SMYD3: variants seen among roughly 807,000 people sequenced by gnomAD.
SMYD3 encodes the protein SET and MYND domain containing 3.
In SMYD3, 36 loss-of-function variants were observed where a neutral mutation model predicts 57.7. That is an observed-to-expected ratio of 0.62 (90% confidence interval 0.48 to 0.82). The LOEUF is 0.82. Ranked by LOEUF, SMYD3 falls within the 40% of genes least tolerant of loss-of-function variation. The pLI, the probability that SMYD3 is intolerant of heterozygous loss-of-function variation, is 0.00. For missense variants in SMYD3, 515 were observed against 538.8 expected, an observed-to-expected ratio of 0.96 and a Z score of 0.44; for synonymous variants, 211 against 195.0, an observed-to-expected ratio of 1.08 and a Z score of -0.68.
At chr1:245,977,530 T>C (rs1417856766) in intron 5 of SMYD3, among the ~76,000 whole-genome samples, 1 of 152,002 alleles carries the variant, frequency 6.6e-6, no homozygotes, top group Admixed American at 6.6e-5. Flanking sequence ...AATACAAAAA[T>C]TAGCCAGGTG....
chr1:246,303,295 C>T (rs966906074), intron 5 of SMYD3, among the ~76,000 whole-genome samples: 2 of 152,094 alleles, frequency 1.3e-5, no homozygotes, highest in African/African-American at 4.8e-5. Context: ...ATTCCTGCAC[C>T]CCTGGAGTAC....
chr1:246,188,955 G>A (rs568830876), intron 5 of SMYD3: 3 of 142,118 alleles, frequency 2.1e-5, no homozygotes, highest in Admixed American at 7.1e-5. Context: ...GCAAGACCCT[G>A]TCTCAAAAAA....
chr1:246,091,682 T>C (rs899006619), intron 5 of SMYD3, among the ~76,000 whole-genome samples: 1 of 152,216 alleles, frequency 6.6e-6, no homozygotes, highest in Non-Finnish European at 1.5e-5. Flanking sequence ...TGTCTGTGTA[T>C]GACTGAAGCT....
chr1:246,140,634 T>C (rs762462904), intron 5 of SMYD3, among the ~76,000 whole-genome samples: 31 of 150,630 alleles, frequency 2.1e-4, no homozygotes, highest in Non-Finnish European at 4.1e-4. Flanking sequence ...TTTTTAGAGA[T>C]AGGGGTCTCA....
chr1:246,450,189 A>C (rs1451506495), intron 1 of SMYD3, among the ~76,000 whole-genome samples: 7 of 152,110 alleles, frequency 4.6e-5, no homozygotes. Flanking sequence ...CAGGAGGCTG[A>C]GGCAGGAGAA....
At chr1:246,252,715 C>T (rs1430150828) in intron 5 of SMYD3, among the ~76,000 whole-genome samples, 2 of 152,148 alleles carry the variant, frequency 1.3e-5, no homozygotes, top group Non-Finnish European at 2.9e-5. Flanking sequence ...GGCATCTTTT[C>T]ATTATTATTA....
intron 5 of SMYD3, among the ~76,000 whole-genome samples, chr1:246,011,607 T>C (rs530706192): frequency 2.3e-4 from 35 of 152,198 alleles, no homozygotes; most frequent in South Asian, 8.3e-4. Flanking sequence ...CCCTCTTAGT[T>C]AGCTGCCTTC....
chr1:246,122,851 G>A (rs1259328719), intron 5 of SMYD3, among the ~76,000 whole-genome samples: 3 of 152,150 alleles, frequency 2.0e-5, no homozygotes, highest in African/African-American at 7.2e-5. Context: ...AATGAAGGGC[G>A]TAGCCATGAT....
chr1:245,853,901 C>G lies in SMYD3; in HGVS notation c.1076+4595G>C, dbSNP rs75542614. Among the ~76,000 whole-genome samples, 537 of 152,266 alleles carry G rather than the reference C, an allele frequency of 3.5e-3. 1 individual carries two copies. The highest frequency in any genetic ancestry group is 0.013 in the African/African-American group (520 of 41,552). Reference sequence around the variant, plus strand: ...TTTTCTGACAACAAAGCACAGAAAACTATCTGAGCTGAAATCTCACTCTTA... The same window carrying G: ...TTTTCTGACAACAAAGCACAGAAAAGTATCTGAGCTGAAATCTCACTCTTA... On this transcript the variant is annotated intron_variant, in intron 10 of 11. Coordinates refer to ENST00000490107, the MANE Select transcript of SMYD3 (RefSeq NM_001167740.2).
intron 1 of SMYD3, among the ~76,000 whole-genome samples, chr1:246,490,373 G>A (rs1053908121): frequency 6.6e-6 from 1 of 152,132 alleles, no homozygotes; most frequent in African/African-American, 2.4e-5. Context: ...CAGACAGAGT[G>A]CTCTGATAAT....
At chr1:246,057,210 C>T (rs2060167001) in intron 5 of SMYD3, among the ~76,000 whole-genome samples, 1 of 152,092 alleles carries the variant, frequency 6.6e-6, no homozygotes, top group Non-Finnish European at 1.5e-5. Context: ...CTTAACATAG[C>T]GTTAGAGGCA....
chr1:246,427,072 C>T (rs1016800688), intron 1 of SMYD3, among the ~76,000 whole-genome samples: 10 of 151,974 alleles, frequency 6.6e-5, no homozygotes, highest in African/African-American at 1.2e-4. Flanking sequence ...AGAAGCAAGG[C>T]GACTAGATCA....
At chr1:246,234,227 T>C (rs200399518) in intron 5 of SMYD3, among the ~76,000 whole-genome samples, 48 of 130,178 alleles carry the variant, frequency 3.7e-4, no homozygotes, top group South Asian at 8.7e-4. Context: ...CTCCTTCAAT[T>C]CACACTGTGA....
At chr1:245,883,187 T>C (rs2052886179) in intron 8 of SMYD3, among the ~76,000 whole-genome samples, 1 of 152,172 alleles carries the variant, frequency 6.6e-6, no homozygotes, top group African/African-American at 2.4e-5. Context: ...CTTCACTGAG[T>C]GTACCCTTGT....
At chr1:245,985,148 G>A (rs528011864) in intron 5 of SMYD3, among the ~76,000 whole-genome samples, 91 of 152,022 alleles carry the variant, frequency 6.0e-4, no homozygotes, top group South Asian at 2.9e-3. Flanking sequence ...TTGGTCTCCC[G>A]TCCTGGAATA....
At chr1:245,844,151 G>T (rs546845554) in intron 10 of SMYD3, among the ~76,000 whole-genome samples, 7 of 152,148 alleles carry the variant, frequency 4.6e-5, no homozygotes, top group African/African-American at 1.4e-4. Context: ...TAAAATGTTT[G>T]GAAATTTACA....
At chr1:245,990,790 T>C (rs10924426) in intron 5 of SMYD3, among the ~76,000 whole-genome samples, 77,601 of 152,134 alleles carry the variant, frequency 0.51, 23,504 homozygotes, top group Middle Eastern at 0.69. Flanking sequence ...TGTCGGACTT[T>C]GGACCTACAG....
intron 10 of SMYD3, among the ~76,000 whole-genome samples, chr1:245,782,413 A>G (rs1348856712): frequency 1.3e-5 from 2 of 152,244 alleles, no homozygotes; most frequent in African/African-American, 4.8e-5. Context: ...TCATGAAAAG[A>G]AAGATTTCTC....
intron 5 of SMYD3, among the ~76,000 whole-genome samples, chr1:246,234,531 C>A (rs2063482427): frequency 6.6e-6 from 1 of 152,112 alleles, no homozygotes; most frequent in Non-Finnish European, 1.5e-5. Context: ...TGAATATACA[C>A]CGTATAGAGG....
Sources: allele counts gnomAD v4.1 joint callset (sites outside exome capture counted in the v4.1 genomes callset), GRCh38; gene constraint gnomAD v4.1.1; transcripts MANE v1.5; gene names NCBI Gene and HGNC (gene_info 2026-07-23, HGNC 2026-07-21).